Variants in WASHC4 observed in about 807,000 individuals in gnomAD.
WASHC4 encodes the protein WASH complex subunit 4, also known as WASH complex subunit 7.
WASHC4 carries 86 observed loss-of-function variants against 166.6 expected under a neutral mutation model. The observed-to-expected ratio is 0.52, with a 90% CI of 0.43 to 0.62. The LOEUF (loss-of-function observed/expected upper bound fraction) is 0.62, where lower values mean the gene tolerates loss of function less well. Ranked by LOEUF, WASHC4 falls within the 20% of genes least tolerant of loss-of-function variation. The pLI is 0.00. For synonymous variants in WASHC4, 446 were observed against 451.6 expected (o/e 0.99, Z 0.16); for missense variants, 1,262 against 1,382.4 (o/e 0.91, Z 1.38).
chr12:105,114,482 A>T, intron 4 of WASHC4, 55 bp downstream of exon 4: 2 of 1,107,518 alleles, frequency 1.8e-6, no homozygotes, highest in Non-Finnish European at 2.7e-6. Flanking sequence ...AGAAGCAAGT[A>T]TGTGTTTATA....
At chr12:105,123,002 A>T (rs1447077096) in intron 10 of WASHC4, among the ~76,000 whole-genome samples, 1 of 152,152 alleles carries the variant, frequency 6.6e-6, no homozygotes, top group Non-Finnish European at 1.5e-5. Flanking sequence ...GGTTAAGCTT[A>T]GCTAGGAAGT....
chr12:105,113,887 A>G (rs1040934628), intron 2 of WASHC4, among the ~76,000 whole-genome samples: 2 of 152,054 alleles, frequency 1.3e-5, no homozygotes, highest in African/African-American at 2.4e-5. Context: ...TTCAAAAATG[A>G]TGAAAGGTTT....
At position 105,164,705 on chromosome 12, in the gene WASHC4, C is replaced by A. The variant is rs199807811; in HGVS notation, c.3419C>A (p.Ala1140Glu). 6.2e-7 allele frequency: 1 copy of A among 1,612,788 alleles called. No individual in the cohort carries two copies. The highest frequency in any genetic ancestry group is 8.5e-7 in the Non-Finnish European group (1 of 1,179,234). Residue 1140 changes from alanine (A) to glutamate (E), a missense_variant, in exon 32 of 33, where the codon GCG (alanine) becomes GAG (glutamate). Coordinates refer to ENST00000332180, the MANE Select transcript of WASHC4 (RefSeq NM_015275.3). ...ATTTTCTTCAGAGCAGACAAGACTG[C>A]GGCTGAAGAAAACCAAGAAAAGAAA... ...ARIFFRADKT[A>E]AEENQEKKEK...
At chr12:105,110,514 G>C (rs1879578446) in intron 1 of WASHC4, among the ~76,000 whole-genome samples, 1 of 152,124 alleles carries the variant, frequency 6.6e-6, no homozygotes, top group African/African-American at 2.4e-5. Context: ...ATAGTATTCT[G>C]TAGTCAAGCA....
intron 26 of WASHC4, among the ~76,000 whole-genome samples, chr12:105,155,867 TCTAA>T (rs972110365): frequency 6.6e-6 from 1 of 152,018 alleles, no homozygotes; most frequent in Non-Finnish European, 1.5e-5. Context: ...CACTATACGC[TCTAA>T]CTTAGTTTTT....
At chr12:105,141,293 T>C (rs764379895) in intron 18 of WASHC4, 47 bp downstream of exon 18, 13 of 1,233,966 alleles carry the variant, frequency 1.1e-5, no homozygotes, top group Non-Finnish European at 1.6e-5. Flanking sequence ...ACAGGGTTAA[T>C]AGAAACATTG....
At chr12:105,164,430 C>T in intron 31 of WASHC4, 123 bp downstream of exon 31, 1 of 919,742 alleles carries the variant, frequency 1.1e-6, no homozygotes, top group South Asian at 1.4e-5. Flanking sequence ...TGAATAGTGG[C>T]AAAAAGATTA....
At chr12:105,118,299 A>G (rs1169244330) in intron 6 of WASHC4, 147 bp from the exon 7 acceptor site, 3 of 702,032 alleles carry the variant, frequency 4.3e-6, no homozygotes, top group African/African-American at 3.5e-5. Context: ...TGCTTGAGGG[A>G]TGCTTGAACT....
chr12:105,121,607 A>G lies in WASHC4; in HGVS notation c.665+403A>G, dbSNP rs371343097. 4.6e-5 allele frequency among the ~76,000 whole-genome samples: 7 copies of G among 152,304 alleles called. No homozygotes were observed. In the East Asian group the frequency reaches 9.6e-4, roughly 21 times the overall value. ...ACTGCAACTTCTGCCTCCTGGGTTCAAGTGATTCTCCTACCTCAGCCTCCC... is the reference window on the plus strand; with the variant it reads ...ACTGCAACTTCTGCCTCCTGGGTTCGAGTGATTCTCCTACCTCAGCCTCCC... On this transcript the variant is annotated intron_variant, in intron 9 of 32. Coordinates refer to ENST00000332180, the MANE Select transcript of WASHC4 (RefSeq NM_015275.3).
chr12:105,163,404 T>A (rs1465706010), intron 30 of WASHC4, among the ~76,000 whole-genome samples: 1 of 152,222 alleles, frequency 6.6e-6, no homozygotes, highest in African/African-American at 2.4e-5. Flanking sequence ...TATTTAGGCT[T>A]TGTTTTTGTT....
In WASHC4 at chr12:105,127,266, A is replaced by C. The variant is rs374270924; in HGVS notation, c.1176A>C (p.Gln392His). The C allele has an allele frequency of 3.8e-5, 62 of 1,611,208 alleles. No individual in the cohort carries two copies. The highest frequency in any genetic ancestry group is 5.0e-5 in the Non-Finnish European group (59 of 1,177,580). The change falls in exon 13 of 33, where the codon CAA becomes CAC. Residue 392 changes from glutamine to histidine, a missense_variant. Coordinates refer to ENST00000332180, the MANE Select transcript of WASHC4 (RefSeq NM_015275.3). ...AAATACACAGGGATACTTTTCTACA[A>C]CAGAAAGCTCAATCACTTACCAAGT... is the stretch of plus-strand genomic sequence containing the variant. ...AIKIHRDTFL[Q>H]QKAQSLTKDV...
At chr12:105,155,489 CG>C (rs11339980) in intron 26 of WASHC4, among the ~76,000 whole-genome samples, 152,155 of 152,160 alleles carry the variant, frequency 1, 76,075 homozygotes, top group Non-Finnish European at 1. Flanking sequence ...GGTGCAAGAT[CG>C]ATGTCAGGAT....
chr12:105,129,600 CA>C (rs1300413259), intron 13 of WASHC4, among the ~76,000 whole-genome samples: 16 of 152,162 alleles, frequency 1.1e-4, no homozygotes, highest in Non-Finnish European at 2.4e-4. Flanking sequence ...TCCCTAGATG[CA>C]GCTGATCAGG....
Position 105,164,168 on chromosome 12 carries a change from G to C in WASHC4, c.3215G>C (p.Trp1072Ser). The C allele has an allele frequency of 6.2e-7, 1 of 1,614,056 alleles. No individual in the cohort carries two copies. Residue 1072 changes from tryptophan to serine, a missense_variant, in exon 31 of 33, where the codon TGG becomes TCG. Trp to Ser is a radical substitution (Grantham distance 177). Coordinates refer to ENST00000332180, the MANE Select transcript of WASHC4 (RefSeq NM_015275.3). The part of the protein sequence containing the change: ...DQYREFDSLH[W>S]FQSVREKYLK... ...TATCGGGAGTTTGATTCACTTCACT[G>C]GTTCCAGTCTGTTAGAGAGAAATAC...
intron 2 of WASHC4, among the ~76,000 whole-genome samples, chr12:105,113,894 G>GT (rs1274069034): frequency 1.3e-5 from 2 of 151,934 alleles, no homozygotes; most frequent in Non-Finnish European, 2.9e-5. Flanking sequence ...ATGATGAAAG[G>GT]TTTTTCCCCA....
At chr12:105,135,627 A>T (rs1369915346) in intron 14 of WASHC4, among the ~76,000 whole-genome samples, 1 of 151,964 alleles carries the variant, frequency 6.6e-6, no homozygotes, top group Non-Finnish European at 1.5e-5. Flanking sequence ...ATTCTTTACC[A>T]TTAACTCTTC....
intron 28 of WASHC4, among the ~76,000 whole-genome samples, chr12:105,159,125 T>C (rs571990368): frequency 4.6e-5 from 7 of 152,322 alleles, no homozygotes; most frequent in Admixed American, 3.9e-4. Context: ...TAGTTTCTGA[T>C]GTGTGTCTCA....
chr12:105,164,399 C>T (rs1007078296), intron 31 of WASHC4, 92 bp downstream of exon 31: 2 of 1,129,536 alleles, frequency 1.8e-6, no homozygotes, highest in East Asian at 4.7e-5. Flanking sequence ...CATATAGAAA[C>T]TACCATTTTC....
chr12:105,119,134 A>G (rs1275298188), intron 7 of WASHC4, among the ~76,000 whole-genome samples: 1 of 152,152 alleles, frequency 6.6e-6, no homozygotes, highest in Non-Finnish European at 1.5e-5. Context: ...ACAGAAAGGA[A>G]AAGATTGAGG....
Sources: allele counts gnomAD v4.1 joint callset (sites outside exome capture counted in the v4.1 genomes callset), GRCh38; gene constraint gnomAD v4.1.1; transcripts MANE v1.5; gene names NCBI Gene and HGNC (gene_info 2026-07-23, HGNC 2026-07-21).